Variants in TBC1D16 observed in about 807,000 individuals in gnomAD.
TBC1D16 encodes the protein TBC1 domain family member 16, also known as CTD-2529O21.1.
TBC1D16 carries 58 observed loss-of-function variants against 74.7 expected under a neutral mutation model. The ratio of observed to expected loss-of-function variants is 0.78; its 90% CI spans 0.63 to 0.97. The LOEUF is 0.97. Among genes scored for constraint, TBC1D16 ranks in the 50% least tolerant of loss-of-function variants. TBC1D16 has a pLI of 0.00. For synonymous variants in TBC1D16, 493 were observed against 474.7 expected (o/e 1.04, Z -0.50); for missense variants, 1,014 against 1,079.5 (o/e 0.94, Z 0.85).
At chr17:79,997,279 A>G (rs1048218053) in intron 3 of TBC1D16, among the ~76,000 whole-genome samples, 3 of 151,706 alleles carry the variant, frequency 2.0e-5, no homozygotes, top group African/African-American at 7.3e-5. Flanking sequence ...TGGTTTGGAG[A>G]GTGTACTATG....
chr17:80,013,716 C>T (rs1042608620), intron 1 of TBC1D16, 107 bp from the exon 2 acceptor site: 4 of 650,078 alleles, frequency 6.2e-6, no homozygotes, highest in Non-Finnish European at 2.5e-6. Flanking sequence ...ACCACAGGAG[C>T]GTGTCCTGCT....
chr17:80,024,564 G>GACACACACC (rs2036457916), intron 1 of TBC1D16, among the ~76,000 whole-genome samples: 1 of 130,232 alleles, frequency 7.7e-6, no homozygotes, highest in African/African-American at 3.0e-5. Context: ...CACCACACAC[G>GACACACACC]ACACACCATA....
At chr17:80,029,006 G>C (rs540364353) in intron 1 of TBC1D16, among the ~76,000 whole-genome samples, 1 of 152,212 alleles carries the variant, frequency 6.6e-6, no homozygotes, top group African/African-American at 2.4e-5. Context: ...CGAAAGGAAA[G>C]AACAACTTGG....
At position 80,009,001 on chromosome 17, in the gene TBC1D16, AC is replaced by A. The variant is rs2035779070; in HGVS notation, c.779+1158del. 6.6e-6 allele frequency among the ~76,000 whole-genome samples: 1 copy of A among 151,958 alleles called. No individual in the cohort carries two copies. Among genetic ancestry groups the A allele is most frequent in the African/African-American group, 2.4e-5 (1 of 41,346 alleles). ...GCTTGGCCCGGGCACTGGCTGGGAG[AC>A]CCCTGGCAAGCTGCTGACCTTCTCC... is the stretch of plus-strand genomic sequence containing the variant. On this transcript the variant is annotated intron_variant, in intron 3 of 11. Coordinates refer to ENST00000310924, the MANE Select transcript of TBC1D16 (RefSeq NM_019020.4). This position sits in a 1 kb window ranked among gnomAD's most constrained non-coding sequence, Gnocchi z 5.4.
rs2033322016 is a variant in TBC1D16 at position 79,956,110 on chromosome 17, C to G, written c.780-3292G>C. On this transcript the variant is annotated intron_variant, in intron 3 of 11. Transcript: ENST00000310924. The surrounding 1 kb of genome is among the most constrained non-coding windows in gnomAD (Gnocchi z 4.0). ...TCAGCACCAGAGCCCCGACACCTGT[C>G]AATGGAGGCCGTTCCAGACCCTCCG... 6.6e-6 allele frequency among the ~76,000 whole-genome samples: 1 copy of G among 152,200 alleles called. No individual in the cohort carries two copies. The highest frequency in any genetic ancestry group is 1.5e-5 in the Non-Finnish European group (1 of 68,046).
In TBC1D16 at chr17:79,944,377, G is replaced by A. The variant is rs1018312353; in HGVS notation, c.1908+531C>T. On this transcript the variant is annotated intron_variant, in intron 10 of 11. Transcript: ENST00000310924. This position sits in a 1 kb window ranked among gnomAD's most constrained non-coding sequence, Gnocchi z 7.7. ...AAGGCCATGTGACAGAGCCAGTGCTGTGCTCCAAGGGGAATTTGCTGAGAA... is the reference window on the plus strand; with the variant it reads ...AAGGCCATGTGACAGAGCCAGTGCTATGCTCCAAGGGGAATTTGCTGAGAA... 7.9e-5 allele frequency among the ~76,000 whole-genome samples: 12 copies of A among 152,220 alleles called. No individual in the cohort carries two copies. The highest frequency in any genetic ancestry group is 2.6e-4 in the Admixed American group (4 of 15,282).
chr17:79,953,721 C>T (rs2033192096), intron 3 of TBC1D16, among the ~76,000 whole-genome samples: 1 of 152,168 alleles, frequency 6.6e-6, no homozygotes. Flanking sequence ...GATTCAGCCA[C>T]CTCACAGGTT....
In TBC1D16 at chr17:79,941,279, C is replaced by T. The variant is rs1598306986; in HGVS notation, c.2056-172G>A. ...GCATCTCCCACCATCACCGGCACCACGGGGCCCTGGGTCTTAGGTGGCTGC... is the reference window on the plus strand; with the variant it reads ...GCATCTCCCACCATCACCGGCACCATGGGGCCCTGGGTCTTAGGTGGCTGC... On this transcript the variant is annotated intron_variant, in intron 11 of 11. Transcript: ENST00000310924. The surrounding 1 kb of genome is among the most constrained non-coding windows in gnomAD (Gnocchi z 4.3). Among the ~76,000 whole-genome samples the T allele has an allele frequency of 1.3e-5, 2 of 152,172 alleles. No homozygotes were observed. The highest frequency in any genetic ancestry group is 6.5e-5 in the Admixed American group (1 of 15,270).
chr17:79,982,308 A>G (rs2034621378), intron 3 of TBC1D16, among the ~76,000 whole-genome samples: 1 of 151,166 alleles, frequency 6.6e-6, no homozygotes, highest in Non-Finnish European at 1.5e-5. Context: ...CATCAAGCCC[A>G]GCTAATTTTG....
chr17:80,018,339 C>T (rs1251124919), intron 1 of TBC1D16, among the ~76,000 whole-genome samples: 3 of 148,748 alleles, frequency 2.0e-5, no homozygotes, highest in East Asian at 1.9e-4. Context: ...TGGAGTGCAA[C>T]GGTGCAATCT....
At chr17:79,974,084 G>A (rs1164350720) in intron 3 of TBC1D16, among the ~76,000 whole-genome samples, 2 of 152,184 alleles carry the variant, frequency 1.3e-5, no homozygotes, top group Admixed American at 1.3e-4. Context: ...AAATAAAGGT[G>A]ACTTGAACAC....
rs1296098091 is a variant in TBC1D16 at position 79,954,007 on chromosome 17, T to C, written c.780-1189A>G. Among the ~76,000 whole-genome samples, 2 of 152,150 alleles carry C rather than the reference T, an allele frequency of 1.3e-5. No homozygotes were observed. The highest frequency in any genetic ancestry group is 4.8e-5 in the African/African-American group (2 of 41,440). On this transcript the variant is annotated intron_variant, in intron 3 of 11. Transcript: ENST00000310924. The surrounding 1 kb of genome is among the most constrained non-coding windows in gnomAD (Gnocchi z 5.5). ...CTAGTCTTGACCTCCTGACCTCAGG[T>C]GATCCACCCGCCTCAGCCTCCAAAA...
rs1335017800 is a variant in TBC1D16, at chr17:79,942,194, G to A, written c.1921C>T (p.His641Tyr). The part of the protein sequence containing the change: ...CWAHYQTDYF[H>Y]LFICVAIVAI... ...ACGATGGCCACGCAGATGAAAAGGTGGAAGTAGTCCGTCTGTGGAGGCGGG... is the reference window on the plus strand; with the variant it reads ...ACGATGGCCACGCAGATGAAAAGGTAGAAGTAGTCCGTCTGTGGAGGCGGG... The change falls in exon 11 of 12, where the codon CAC becomes TAC. Residue 641 changes from histidine (H) to tyrosine (Y), a missense_variant. Transcript: ENST00000310924. 4 of 1,602,222 alleles carry A rather than the reference G, an allele frequency of 2.5e-6. No homozygotes were observed. The highest frequency in any genetic ancestry group is 3.4e-6 in the Non-Finnish European group (4 of 1,174,560).
rs2033608023 is a variant in TBC1D16, at chr17:79,961,366, G to A, written c.780-8548C>T. Among the ~76,000 whole-genome samples, 1 of 152,200 alleles carries A rather than the reference G, an allele frequency of 6.6e-6. No homozygotes were observed. On this transcript the variant is annotated intron_variant, in intron 3 of 11. Transcript: ENST00000310924. The surrounding 1 kb of genome is among the most constrained non-coding windows in gnomAD (Gnocchi z 4.8). ...TCATAGCAAGTGTTGCTGAGGACAT[G>A]GAGGAACTGGAACTCTCACGGACTG...
At chr17:80,030,284 G>A (rs998273278) in intron 1 of TBC1D16, among the ~76,000 whole-genome samples, 1 of 152,116 alleles carries the variant, frequency 6.6e-6, no homozygotes, top group Non-Finnish European at 1.5e-5. Flanking sequence ...CCCACTGACG[G>A]TGAACCCCCC....
In TBC1D16 at chr17:80,008,865, C is replaced by A. The variant is rs2035773705; in HGVS notation, c.779+1295G>T. The stretch of plus-strand genomic sequence containing the variant: ...CGTCCCACAGTCACCCCTGCTGAGG[C>A]CAGCAAAGCCTGTGTCCTTACTTCA... On this transcript the variant is annotated intron_variant, in intron 3 of 11. Transcript: ENST00000310924. This position sits in a 1 kb window ranked among gnomAD's most constrained non-coding sequence, Gnocchi z 4.5. 6.6e-6 allele frequency among the ~76,000 whole-genome samples: 1 copy of A among 152,220 alleles called. No individual in the cohort carries two copies. The highest frequency in any genetic ancestry group is 2.4e-5 in the African/African-American group (1 of 41,462).
chr17:80,024,527 G>GACA (rs2036451498), intron 1 of TBC1D16, among the ~76,000 whole-genome samples: 1 of 129,460 alleles, frequency 7.7e-6, no homozygotes, highest in Non-Finnish European at 1.7e-5. Flanking sequence ...CGCACACCAT[G>GACA]CACACACCAC....
At chr17:80,005,802 C>T (rs775110548) in intron 3 of TBC1D16, among the ~76,000 whole-genome samples, 1 of 152,110 alleles carries the variant, frequency 6.6e-6, no homozygotes, top group African/African-American at 2.4e-5. Flanking sequence ...AGGTAGCACA[C>T]GAATGTGGGC....
rs965566473 is a variant in TBC1D16, at chr17:79,942,173, T to A, written c.1942A>T (p.Ile648Phe). Residue 648 changes from isoleucine to phenylalanine, a missense_variant, in exon 11 of 12, where the codon ATC (isoleucine) becomes TTC (phenylalanine). Coordinates refer to ENST00000310924, the MANE Select transcript of TBC1D16 (RefSeq NM_019020.4). The stretch of plus-strand genomic sequence containing the variant: ...ACGTCATCCCCGTAGATGGCCACGA[T>A]GGCCACGCAGATGAAAAGGTGGAAG... ...DYFHLFICVA[I>F]VAIYGDDVIE... 2 of 1,607,798 alleles carry A rather than the reference T, an allele frequency of 1.2e-6. No homozygotes were observed. Among genetic ancestry groups the A allele is most frequent in the Non-Finnish European group, 1.7e-6 (2 of 1,177,482 alleles).
Sources: allele counts gnomAD v4.1 joint callset (sites outside exome capture counted in the v4.1 genomes callset), GRCh38; gene constraint gnomAD v4.1.1; non-coding constraint Gnocchi (gnomAD v3.1); transcripts MANE v1.5; gene names NCBI Gene and HGNC (gene_info 2026-07-23, HGNC 2026-07-21).